Variants in DLC1 observed in about 807,000 individuals in gnomAD.
DLC1 encodes the protein DLC1 Rho GTPase activating protein, also known as rho GTPase-activating protein 7.
A neutral mutation model predicts 140.3 loss-of-function variants in DLC1; 54 were observed. That is an observed-to-expected ratio of 0.38 (90% confidence interval 0.31 to 0.48). DLC1 has a LOEUF of 0.48. DLC1 is among the 20% of genes least tolerant of loss of function. The pLI is 0.96. For missense variants in DLC1, 2,536 were observed against 1,907.0 expected (o/e 1.33, Z -6.14); for synonymous variants, 986 against 728.1 (o/e 1.35, Z -5.70).
At chr8:13,526,228 G>C (rs1802918595) in intron 1 of DLC1, among the ~76,000 whole-genome samples, 1 of 152,006 alleles carries the variant, frequency 6.6e-6, no homozygotes, top group African/African-American at 2.4e-5. Context: ...TTTACAATAA[G>C]TTTTACACCA....
intron 4 of DLC1, chr8:13,342,222 A>G (rs1834093910): frequency 6.6e-6 from 1 of 152,240 alleles, no homozygotes. Context: ...TTTACAAACT[A>G]TTCAATGCTT....
At chr8:13,152,698 T>C (rs913595752) in intron 5 of DLC1, among the ~76,000 whole-genome samples, 1 of 151,582 alleles carries the variant, frequency 6.6e-6, no homozygotes, top group Admixed American at 6.6e-5. Flanking sequence ...TCCCAGCTAC[T>C]GGGGGTGGGT....
chr8:13,377,261 G>T (rs1269986812), intron 4 of DLC1, among the ~76,000 whole-genome samples: 1 of 152,134 alleles, frequency 6.6e-6, no homozygotes, highest in Non-Finnish European at 1.5e-5. Flanking sequence ...TGAATGAAAA[G>T]GAATGAGTGT....
At chr8:13,453,798 G>A (rs112652012) in intron 2 of DLC1, among the ~76,000 whole-genome samples, 71 of 151,418 alleles carry the variant, frequency 4.7e-4, no homozygotes, top group African/African-American at 1.5e-3. Context: ...TCATTATAAC[G>A]ATGTCTTCTT....
intron 2 of DLC1, among the ~76,000 whole-genome samples, chr8:13,439,131 C>G (rs1839248018): frequency 6.6e-6 from 1 of 152,114 alleles, no homozygotes; most frequent in Admixed American, 6.6e-5. Context: ...TCGAGACCAT[C>G]CTGGCAAACA....
At chr8:13,138,643 A>T (rs545647815) in intron 5 of DLC1, among the ~76,000 whole-genome samples, 2 of 152,264 alleles carry the variant, frequency 1.3e-5, no homozygotes, top group Non-Finnish European at 2.9e-5. Context: ...AATAATTTTA[A>T]ATGGTATTCA....
intron 2 of DLC1, among the ~76,000 whole-genome samples, chr8:13,444,935 TTGAA>T (rs941862604): frequency 3.9e-5 from 6 of 152,144 alleles, no homozygotes; most frequent in African/African-American, 9.7e-5. Context: ...AAGTTCATTT[TTGAA>T]TGAATGAAGA....
chr8:13,249,080 C>CT (rs1346632978), intron 5 of DLC1, among the ~76,000 whole-genome samples: 2 of 151,908 alleles, frequency 1.3e-5, no homozygotes, highest in East Asian at 1.9e-4. Flanking sequence ...CTTCGTTTTT[C>CT]TTTTTTTTCC....
chr8:13,089,171 A>G (rs1002662578), intron 15 of DLC1, among the ~76,000 whole-genome samples: 6 of 151,998 alleles, frequency 3.9e-5, no homozygotes, highest in Non-Finnish European at 7.4e-5. Context: ...AGGAAGGAGA[A>G]TCACTTGAAC....
chr8:13,580,323 G>C (rs1396913166), intron 1 of DLC1, among the ~76,000 whole-genome samples: 1 of 152,008 alleles, frequency 6.6e-6, no homozygotes, highest in African/African-American at 2.4e-5. Context: ...GGGTTTCGCC[G>C]TGTTAGCCAG....
At chr8:13,189,171 T>C (rs1347026190) in intron 5 of DLC1, among the ~76,000 whole-genome samples, 1 of 152,126 alleles carries the variant, frequency 6.6e-6, no homozygotes, top group African/African-American at 2.4e-5. Flanking sequence ...AAAGCTTTTA[T>C]GTAAGGTCAT....
In DLC1 at chr8:13,100,278, G is replaced by A. The variant is rs771051739; in HGVS notation, c.2059C>T (p.Pro687Ser). The A allele has an allele frequency of 5.6e-6, 9 of 1,613,980 alleles. No individual in the cohort carries two copies. Among genetic ancestry groups the A allele is most frequent in the South Asian group, 3.3e-5 (3 of 91,092 alleles). Residue 687 changes from proline to serine, a missense_variant, in exon 9 of 18, where the codon CCC becomes TCC. Transcript: ENST00000276297. ...CTGATGATCAACCCCAGCTTTGAGG[G>A]CGCTTTGTGCTTGCTGTGATGGGAG... ...KSSHHSKHKA[P>S]SKLGLIISGP...
Position 13,451,285 on chromosome 8 carries a change from T to G in DLC1, c.1023+47764A>C, listed in dbSNP as rs578016282. ...TATATTTATGAGGTACATGAGATATTTTGGTACAGGCATGCAATGCTTCTT... is the reference window on the plus strand; with the variant it reads ...TATATTTATGAGGTACATGAGATATGTTGGTACAGGCATGCAATGCTTCTT... On this transcript the variant is annotated intron_variant, in intron 2 of 17. Coordinates refer to ENST00000276297, the MANE Select transcript of DLC1 (RefSeq NM_182643.3). 3.3e-5 allele frequency among the ~76,000 whole-genome samples: 5 copies of G among 152,184 alleles called. No individual in the cohort carries two copies. In the East Asian group the frequency reaches 9.7e-4, roughly 29 times the overall value.
chr8:13,103,172 C>G (rs793566), intron 7 of DLC1, among the ~76,000 whole-genome samples: 73,338 of 151,516 alleles, frequency 0.48, 17,964 homozygotes, highest in South Asian at 0.62. Flanking sequence ...CAAGCCGGGC[C>G]TGGTGGTGGG....
At chr8:13,135,419 G>C (rs2128966720) in intron 5 of DLC1, among the ~76,000 whole-genome samples, 1 of 152,096 alleles carries the variant, frequency 6.6e-6, no homozygotes. Flanking sequence ...CTGACCTCGT[G>C]ATCCGCCTAC....
chr8:13,210,508 C>A (rs1209780108), intron 5 of DLC1, among the ~76,000 whole-genome samples: 2 of 152,152 alleles, frequency 1.3e-5, no homozygotes, highest in African/African-American at 4.8e-5. Flanking sequence ...AAAATTGCAT[C>A]ATAAAGTAAA....
At chr8:13,290,808 C>A (rs141641366) in intron 5 of DLC1, among the ~76,000 whole-genome samples, 344 of 152,152 alleles carry the variant, frequency 2.3e-3, no homozygotes, top group Middle Eastern at 6.9e-3. Context: ...GAGGAAAGTG[C>A]GGGTTGTGGA....
chr8:13,460,407 C>G (rs1241496023), intron 2 of DLC1, among the ~76,000 whole-genome samples: 1 of 152,212 alleles, frequency 6.6e-6, no homozygotes, highest in Admixed American at 6.5e-5. Context: ...TGCACGTGTT[C>G]TGGGCGTTCA....
In DLC1 at chr8:13,098,592, G is replaced by A; in HGVS notation, c.2991-17C>T. 6.2e-7 allele frequency: 1 copy of A among 1,603,918 alleles called. No individual in the cohort carries two copies. Among genetic ancestry groups the A allele is most frequent in the Non-Finnish European group, 8.5e-7 (1 of 1,176,092 alleles). ...AGTCGGTGCCTGCGAGAGAAGAGGA[G>A]AGGAAAATGAGTGTGAAGCCTTTTT... On this transcript the variant is annotated splice_polypyrimidine_tract_variant and intron_variant, in intron 9 of 17. Transcript: ENST00000276297.
Sources: gnomAD v4.1 joint callset for allele counts (sites outside exome capture counted in the v4.1 genomes callset) on GRCh38, gnomAD v4.1.1 for gene constraint, MANE v1.5 for transcripts, NCBI Gene and HGNC (gene_info 2026-07-23, HGNC 2026-07-21) for gene names.